The following RANBP17 variants were observed in gnomAD, a reference collection of about 807,000 sequenced individuals.
RANBP17 encodes the protein RAN binding protein 17, also known as ran-binding protein 17.
Under a neutral mutation model 141.2 loss-of-function variants are expected in RANBP17, and 158 were observed. That is an observed-to-expected ratio of 1.12 (90% confidence interval 0.98 to 1.28). The LOEUF (loss-of-function observed/expected upper bound fraction) is 1.28. Among genes scored for constraint, RANBP17 ranks in the 50% most tolerant of loss-of-function variants. The probability of loss-of-function intolerance (pLI) is 0.00; values close to 1 mark genes in which losing one functional copy is unlikely to be tolerated. For synonymous variants in RANBP17, 430 were observed against 450.0 expected (o/e 0.96, Z 0.56); for missense variants, 1,438 against 1,290.7 (o/e 1.11, Z -1.75).
At chr5:171,036,320 A>G (rs896259924) in intron 14 of RANBP17, among the ~76,000 whole-genome samples, 3 of 152,170 alleles carry the variant, frequency 2.0e-5, no homozygotes, top group African/African-American at 7.2e-5. Flanking sequence ...ACTTAAGATA[A>G]TGGCCTCCAT....
At chr5:170,920,198 A>C (rs1025887215) in intron 11 of RANBP17, among the ~76,000 whole-genome samples, 2 of 152,136 alleles carry the variant, frequency 1.3e-5, no homozygotes, top group African/African-American at 2.4e-5. Context: ...CCTGGGATGC[A>C]TGTTAAATAT....
intron 13 of RANBP17, among the ~76,000 whole-genome samples, chr5:170,961,049 T>C (rs967201450): frequency 3.9e-5 from 6 of 152,176 alleles, no homozygotes; most frequent in African/African-American, 1.4e-4. Context: ...CCCGGCCCCC[T>C]GCCCCTTTAG....
chr5:171,007,731 G>C (rs1356285762), intron 14 of RANBP17, among the ~76,000 whole-genome samples: 1 of 152,132 alleles, frequency 6.6e-6, no homozygotes, highest in Non-Finnish European at 1.5e-5. Flanking sequence ...TGGCCATTTA[G>C]AACCATTGTC....
intron 18 of RANBP17, among the ~76,000 whole-genome samples, chr5:171,198,014 G>C (rs900247333): frequency 1.3e-5 from 2 of 152,182 alleles, no homozygotes; most frequent in Admixed American, 6.5e-5. Flanking sequence ...ACTCCAGCCT[G>C]GATGACAGAG....
chr5:171,076,410 A>G (rs1784924621), intron 14 of RANBP17, among the ~76,000 whole-genome samples: 1 of 152,248 alleles, frequency 6.6e-6, no homozygotes, highest in Non-Finnish European at 1.5e-5. Flanking sequence ...CTTTGCCTTC[A>G]AAACAAGTGC....
chr5:171,078,046 G>A (rs1785044904), intron 14 of RANBP17, among the ~76,000 whole-genome samples: 2 of 152,174 alleles, frequency 1.3e-5, no homozygotes, highest in South Asian at 2.1e-4. Context: ...TGCTGGTGGA[G>A]AAGTTGCGGC....
rs1298464087 is a variant in RANBP17, at chr5:171,055,905, A to C, written c.1710+87528A>C. Among the ~76,000 whole-genome samples the C allele has an allele frequency of 2.7e-5, 4 of 149,448 alleles. No individual in the cohort carries two copies. The South Asian group carries it at 6.4e-4, about 24-fold the overall frequency. On this transcript the variant is annotated intron_variant, in intron 14 of 27. Transcript: ENST00000523189. ...CAAAAAAAAAAAAAAAACAAAAAAA[A>C]AAACATTCTTATTACACTTGTGCAA...
In RANBP17 at chr5:170,919,606, GT is replaced by G; in HGVS notation, c.1269del (p.Val424Ter). 1 of 1,567,048 alleles carries G rather than the reference GT, an allele frequency of 6.4e-7. No homozygotes were observed. Among genetic ancestry groups the G allele is most frequent in the Non-Finnish European group, 8.6e-7 (1 of 1,164,154 alleles). On this transcript the variant is annotated frameshift_variant, in exon 11 of 28. Coordinates refer to ENST00000523189, the MANE Select transcript of RANBP17 (RefSeq NM_022897.5). LOFTEE classifies it high-confidence loss of function. Reference sequence around the variant, plus strand: ...TTCTCGGTTGGACTCTGTTGCCATAGTTGTGAGGTATTCAAAAACTAAATGT... The same window carrying G: ...TTCTCGGTTGGACTCTGTTGCCATAGTGTGAGGTATTCAAAAACTAAATGT... Reference protein sequence around the residue: ...ITSRLDSVAIVVRDHLDDPLD... With the variant: ...ITSRLDSVAIXVRDHLDDPLD...
chr5:170,998,551 A>G (rs1327393114), intron 14 of RANBP17, among the ~76,000 whole-genome samples: 1 of 152,202 alleles, frequency 6.6e-6, no homozygotes, highest in African/African-American at 2.4e-5. Flanking sequence ...TGATAGCAAT[A>G]TTAATACATC....
intron 12 of RANBP17, among the ~76,000 whole-genome samples, chr5:170,941,390 G>A (rs1030500158): frequency 1.3e-5 from 2 of 152,116 alleles, no homozygotes; most frequent in Non-Finnish European, 2.9e-5. Flanking sequence ...GGAACAAATA[G>A]AGGAAATTTA....
intron 14 of RANBP17, among the ~76,000 whole-genome samples, chr5:171,044,606 A>G (rs1474655231): frequency 1.3e-5 from 2 of 152,070 alleles, no homozygotes; most frequent in Admixed American, 1.3e-4. Flanking sequence ...GAAACTGTCA[A>G]TAAATTTACT....
intron 14 of RANBP17, among the ~76,000 whole-genome samples, chr5:171,007,132 A>G (rs1036335607): frequency 2.0e-5 from 3 of 152,010 alleles, no homozygotes; most frequent in Non-Finnish European, 4.4e-5. Flanking sequence ...CATTTAAGTC[A>G]CTCCAGGTTG....
intron 1 of RANBP17, among the ~76,000 whole-genome samples, chr5:170,876,919 A>G (rs1205523901): frequency 6.6e-6 from 1 of 152,070 alleles, no homozygotes; most frequent in Non-Finnish European, 1.5e-5. Context: ...CTGTGCCAAT[A>G]TTTTTTCTTT....
intron 14 of RANBP17, among the ~76,000 whole-genome samples, chr5:171,160,901 T>C (rs1759301175): frequency 6.6e-6 from 1 of 152,134 alleles, no homozygotes. Context: ...CAAGTGATTC[T>C]CCTGCCTCAG....
chr5:170,892,799 A>G (rs1256627715), intron 4 of RANBP17, among the ~76,000 whole-genome samples: 35 of 152,220 alleles, frequency 2.3e-4, no homozygotes, highest in Admixed American at 2.3e-3. Context: ...GTGTACATTT[A>G]TGACACATAT....
chr5:170,968,520 G>A (rs767758139), intron 14 of RANBP17, 143 bp downstream of exon 14: 8 of 762,878 alleles, frequency 1.0e-5, no homozygotes, highest in African/African-American at 5.2e-5. Flanking sequence ...GAAGTGCAAT[G>A]TAAAATTAAG....
intron 21 of RANBP17, among the ~76,000 whole-genome samples, chr5:171,215,479 A>C (rs905814797): frequency 6.6e-6 from 1 of 152,212 alleles, no homozygotes; most frequent in Admixed American, 6.5e-5. Flanking sequence ...GAATCACCAC[A>C]CTGTCTTCCA....
At chr5:171,127,449 A>G (rs1226778214) in intron 14 of RANBP17, among the ~76,000 whole-genome samples, 1 of 152,204 alleles carries the variant, frequency 6.6e-6, no homozygotes, top group African/African-American at 2.4e-5. Flanking sequence ...GGGAGAAAAT[A>G]TTTGCAAACT....
chr5:171,189,540 A>C (rs1761488396), intron 18 of RANBP17, among the ~76,000 whole-genome samples: 1 of 152,244 alleles, frequency 6.6e-6, no homozygotes, highest in East Asian at 1.9e-4. Flanking sequence ...TACAGTAACC[A>C]AGACACCGTC....
Sources: allele counts gnomAD v4.1 joint callset (sites outside exome capture counted in the v4.1 genomes callset), GRCh38; gene constraint gnomAD v4.1.1; transcripts MANE v1.5; gene names NCBI Gene and HGNC (gene_info 2026-07-23, HGNC 2026-07-21).